Variants in KCNIP4 observed in about 807,000 individuals in gnomAD.
KCNIP4 encodes Kv channel-interacting protein 4.
Under a neutral mutation model 34.0 loss-of-function variants are expected in KCNIP4, and 12 were observed. The ratio of observed to expected loss-of-function variants is 0.35; its 90% CI spans 0.23 to 0.57. The LOEUF is 0.57. Among genes scored for constraint, KCNIP4 ranks in the 20% least tolerant of loss-of-function variants. The probability of loss-of-function intolerance (pLI) is 0.83; values close to 1 mark genes in which losing one functional copy is unlikely to be tolerated. For missense variants in KCNIP4, 238 were observed against 311.7 expected, an observed-to-expected ratio of 0.76 and a Z score of 1.78; for synonymous variants, 124 against 102.2, an observed-to-expected ratio of 1.21 and a Z score of -1.29.
intron 3 of KCNIP4, among the ~76,000 whole-genome samples, chr4:20,781,565 A>G (rs1030291780): frequency 1.3e-5 from 2 of 152,142 alleles, no homozygotes; most frequent in African/African-American, 4.8e-5. Context: ...GCAGCAAGAG[A>G]AAATGAGGAA....
At chr4:21,394,873 A>C (rs1722854393) in intron 1 of KCNIP4, among the ~76,000 whole-genome samples, 1 of 152,130 alleles carries the variant, frequency 6.6e-6, no homozygotes, top group Non-Finnish European at 1.5e-5. Context: ...ATGTTGAATA[A>C]ATTAGCTCTC....
chr4:21,753,980 T>G (rs1380271), intron 1 of KCNIP4, among the ~76,000 whole-genome samples: 13,998 of 152,190 alleles, frequency 0.092, 676 homozygotes, highest in Middle Eastern at 0.18. Context: ...TTAGTTGTAC[T>G]GAGAACCTAA....
At chr4:20,738,846 A>G (rs1326503640) in intron 5 of KCNIP4, among the ~76,000 whole-genome samples, 1 of 152,148 alleles carries the variant, frequency 6.6e-6, no homozygotes, top group Non-Finnish European at 1.5e-5. Flanking sequence ...TAGCCAAGGG[A>G]AGCTGTGACA....
chr4:21,258,643 G>C (rs1477356422), intron 1 of KCNIP4, among the ~76,000 whole-genome samples: 1 of 152,148 alleles, frequency 6.6e-6, no homozygotes, highest in East Asian at 1.9e-4. Flanking sequence ...ACAGAGGTCA[G>C]TGTTCCATGT....
intron 1 of KCNIP4, among the ~76,000 whole-genome samples, chr4:21,876,903 A>G (rs1158031513): frequency 2.0e-5 from 3 of 152,140 alleles, no homozygotes; most frequent in Non-Finnish European, 4.4e-5. Flanking sequence ...TAGTGATAAC[A>G]GGCCATGTGC....
At chr4:21,326,326 G>C (rs567593079) in intron 1 of KCNIP4, among the ~76,000 whole-genome samples, 1 of 151,204 alleles carries the variant, frequency 6.6e-6, no homozygotes, top group South Asian at 2.1e-4. Context: ...ACACATATTT[G>C]TTATACCCCC....
intron 5 of KCNIP4, among the ~76,000 whole-genome samples, chr4:20,736,957 T>C (rs139533930): frequency 6.6e-6 from 1 of 152,328 alleles, no homozygotes; most frequent in East Asian, 1.9e-4. Context: ...TAAAGACAGA[T>C]ATATAGAACA....
At chr4:21,776,770 GTTTTA>G (rs912267115) in intron 1 of KCNIP4, among the ~76,000 whole-genome samples, 1 of 151,870 alleles carries the variant, frequency 6.6e-6, no homozygotes, top group African/African-American at 2.4e-5. Flanking sequence ...AGATCTAATG[GTTTTA>G]TTTTATTTTT....
intron 1 of KCNIP4, among the ~76,000 whole-genome samples, chr4:21,762,568 G>A (rs536647385): frequency 6.6e-6 from 1 of 152,198 alleles, no homozygotes; most frequent in African/African-American, 2.4e-5. Context: ...ACTGGTTGCT[G>A]TTAGTTAGAC....
At chr4:20,917,213 T>C (rs73242563) in intron 1 of KCNIP4, among the ~76,000 whole-genome samples, 52,925 of 150,452 alleles carry the variant, frequency 0.35, 10,985 homozygotes, top group East Asian at 0.51. Context: ...AATTTTTGTA[T>C]TTTTAGTAGA....
chr4:20,816,478 C>G (rs1716403909), intron 3 of KCNIP4, among the ~76,000 whole-genome samples: 1 of 152,102 alleles, frequency 6.6e-6, no homozygotes, highest in Admixed American at 6.5e-5. Flanking sequence ...AAAGACCTCT[C>G]CAGCCATCCT....
chr4:21,366,395 C>T lies in KCNIP4; in HGVS notation c.62-483686G>A, dbSNP rs142670615. 1.8e-3 allele frequency among the ~76,000 whole-genome samples: 269 copies of T among 152,302 alleles called. 1 individual carries two copies. The highest frequency in any genetic ancestry group is 6.3e-3 in the African/African-American group (263 of 41,566). ...CCTCTTCCTCATATGGAAATCTTTG[C>T]AGCCCTGTCTTCAGAAGAAAAACAA... On this transcript the variant is annotated intron_variant, in intron 1 of 8. Coordinates refer to ENST00000382152, the MANE Select transcript of KCNIP4 (RefSeq NM_025221.6).
chr4:21,781,251 T>C (rs1719558043), intron 1 of KCNIP4, among the ~76,000 whole-genome samples: 3 of 152,122 alleles, frequency 2.0e-5, no homozygotes, highest in African/African-American at 7.2e-5. Context: ...TACTTCTCTC[T>C]CCTAAAGCCC....
At chr4:20,749,005 C>T (rs1050600197) in intron 5 of KCNIP4, among the ~76,000 whole-genome samples, 6 of 151,120 alleles carry the variant, frequency 4.0e-5, no homozygotes, top group African/African-American at 1.5e-4. Flanking sequence ...AAATTAAATA[C>T]TTTCTAGCTG....
intron 1 of KCNIP4, among the ~76,000 whole-genome samples, chr4:21,703,738 A>G (rs1713045871): frequency 6.6e-6 from 1 of 152,212 alleles, no homozygotes; most frequent in Non-Finnish European, 1.5e-5. Context: ...GATAAAAAAT[A>G]AAAAGATGAT....
chr4:20,832,374 T>C (rs914638341), intron 3 of KCNIP4, among the ~76,000 whole-genome samples: 1 of 152,206 alleles, frequency 6.6e-6, no homozygotes, highest in African/African-American at 2.4e-5. Flanking sequence ...GAAAGTGTCA[T>C]TGGCCCATTT....
At chr4:20,941,158 G>A (rs1731600393) in intron 1 of KCNIP4, among the ~76,000 whole-genome samples, 1 of 152,174 alleles carries the variant, frequency 6.6e-6, no homozygotes, top group Non-Finnish European at 1.5e-5. Flanking sequence ...ACATGTTTCA[G>A]TATTTAACTA....
At chr4:21,538,791 T>C (rs1336194513) in intron 1 of KCNIP4, among the ~76,000 whole-genome samples, 1 of 152,198 alleles carries the variant, frequency 6.6e-6, no homozygotes, top group Non-Finnish European at 1.5e-5. Flanking sequence ...GTTCTCTATA[T>C]GAATGTGGCA....
chr4:21,548,830 A>C (rs1738342972), intron 1 of KCNIP4, among the ~76,000 whole-genome samples: 1 of 151,940 alleles, frequency 6.6e-6, no homozygotes. Flanking sequence ...ATAAATTATA[A>C]TTTAAGCATT....
Sources: gnomAD v4.1 joint callset for allele counts (sites outside exome capture counted in the v4.1 genomes callset) on GRCh38, gnomAD v4.1.1 for gene constraint, MANE v1.5 for transcripts, NCBI Gene and HGNC (gene_info 2026-07-23, HGNC 2026-07-21) for gene names.